Variants in FHIT observed in about 807,000 individuals in gnomAD.
FHIT encodes the protein bis(5'-adenosyl)-triphosphatase.
A neutral mutation model predicts 17.9 loss-of-function variants in FHIT; 19 were observed. That is an observed-to-expected ratio of 1.06 (90% CI 0.74 to 1.56). The LOEUF is 1.56. FHIT is among the 40% of genes most tolerant of loss of function. FHIT has a pLI of 0.00. For synonymous variants in FHIT, 81 were observed against 69.7 expected, an observed-to-expected ratio of 1.16 and a Z score of -0.81; for missense variants, 248 against 189.2, an observed-to-expected ratio of 1.31 and a Z score of -1.82.
chr3:61,176,731 G>T (rs7631246), intron 2 of FHIT, among the ~76,000 whole-genome samples: 69,716 of 152,028 alleles, frequency 0.46, 16,900 homozygotes, highest in East Asian at 0.87. Context: ...AGACAGAGAA[G>T]AACTGACATG....
chr3:60,026,156 A>C (rs1217146994), intron 5 of FHIT, among the ~76,000 whole-genome samples: 4 of 151,334 alleles, frequency 2.6e-5, no homozygotes, highest in Non-Finnish European at 5.9e-5. Context: ...CAAACAAAAA[A>C]CTCCTGTCTA....
chr3:59,858,687 T>G (rs1702281220), intron 8 of FHIT, among the ~76,000 whole-genome samples: 1 of 151,682 alleles, frequency 6.6e-6, no homozygotes, highest in South Asian at 2.1e-4. Flanking sequence ...GTGTTTCTAG[T>G]GTGTGAGGAA....
intron 4 of FHIT, among the ~76,000 whole-genome samples, chr3:60,560,859 T>A (rs6446133): frequency 0.17 from 15,020 of 90,534 alleles, 956 homozygotes; most frequent in East Asian, 0.29. Flanking sequence ...AGAGAGAGAG[T>A]GTGTGTGTGT....
intron 4 of FHIT, among the ~76,000 whole-genome samples, chr3:60,767,011 A>T (rs1193002688): frequency 1.3e-5 from 2 of 152,212 alleles, no homozygotes; most frequent in African/African-American, 4.8e-5. Flanking sequence ...AAATGATTAT[A>T]TAAACTTCAG....
At chr3:60,541,660 C>A (rs982002682) in intron 4 of FHIT, among the ~76,000 whole-genome samples, 1 of 152,176 alleles carries the variant, frequency 6.6e-6, no homozygotes, top group Non-Finnish European at 1.5e-5. Context: ...TTTCTTTCAA[C>A]TGAGTTGCCA....
At chr3:60,622,378 T>TA (rs1553679089) in intron 4 of FHIT, among the ~76,000 whole-genome samples, 1 of 152,102 alleles carries the variant, frequency 6.6e-6, no homozygotes, top group Non-Finnish European at 1.5e-5. Flanking sequence ...TTTTTTTTTT[T>TA]AACACATTCT....
At chr3:61,082,894 T>A (rs2035184956) in intron 2 of FHIT, among the ~76,000 whole-genome samples, 1 of 152,190 alleles carries the variant, frequency 6.6e-6, no homozygotes, top group African/African-American at 2.4e-5. Context: ...CAAGTACTAA[T>A]CAGGCCCATC....
At chr3:60,890,798 T>C (rs1705476696) in intron 3 of FHIT, among the ~76,000 whole-genome samples, 1 of 152,158 alleles carries the variant, frequency 6.6e-6, no homozygotes, top group Non-Finnish European at 1.5e-5. Flanking sequence ...CATGACTACA[T>C]AACATGGAGT....
At chr3:59,968,824 T>A (rs1708048900) in intron 7 of FHIT, among the ~76,000 whole-genome samples, 1 of 152,176 alleles carries the variant, frequency 6.6e-6, no homozygotes, top group African/African-American at 2.4e-5. Flanking sequence ...TGAGAGATGC[T>A]AGAGTTAAAC....
chr3:60,195,723 C>G (rs568887885), intron 5 of FHIT, among the ~76,000 whole-genome samples: 1 of 150,902 alleles, frequency 6.6e-6, no homozygotes, highest in East Asian at 1.9e-4. Context: ...ATGTCTTTTG[C>G]AGCAACTTTC....
chr3:60,007,055 A>G lies in FHIT; in HGVS notation c.279+4316T>C, dbSNP rs541736107. Reference sequence around the variant, plus strand: ...ATTAAATTTCTAAGTAGAAGATTCAAGTACCATAAACATAGAAGAGTGTAA... The same window carrying G: ...ATTAAATTTCTAAGTAGAAGATTCAGGTACCATAAACATAGAAGAGTGTAA... On this transcript the variant is annotated intron_variant, in intron 7 of 9. Coordinates refer to ENST00000492590, the MANE Select transcript of FHIT (RefSeq NM_002012.4). 4.6e-5 allele frequency among the ~76,000 whole-genome samples: 7 copies of G among 152,352 alleles called. No individual in the cohort carries two copies. The East Asian group carries it at 1.3e-3, about 29-fold the overall frequency.
At chr3:60,770,591 T>A (rs1553722807) in intron 4 of FHIT, among the ~76,000 whole-genome samples, 1 of 152,186 alleles carries the variant, frequency 6.6e-6, no homozygotes, top group Non-Finnish European at 1.5e-5. Flanking sequence ...GATTTGGGGA[T>A]GTTAGGATAA....
chr3:60,504,158 G>A (rs1373019715), intron 5 of FHIT, among the ~76,000 whole-genome samples: 6 of 152,054 alleles, frequency 3.9e-5, no homozygotes, highest in East Asian at 1.9e-4. Flanking sequence ...TTTTTTGGCC[G>A]GGCAGCGTGC....
At chr3:59,955,050 G>A (rs748392124) in intron 7 of FHIT, among the ~76,000 whole-genome samples, 1 of 152,322 alleles carries the variant, frequency 6.6e-6, no homozygotes, top group East Asian at 1.9e-4. Flanking sequence ...ACTTACAACT[G>A]TGTGGCTAGG....
intron 2 of FHIT, among the ~76,000 whole-genome samples, chr3:61,159,151 G>T (rs1357721978): frequency 6.6e-6 from 1 of 151,988 alleles, no homozygotes; most frequent in East Asian, 1.9e-4. Context: ...AAATAATTTT[G>T]GTCACCTCCC....
intron 5 of FHIT, among the ~76,000 whole-genome samples, chr3:60,526,560 T>C (rs1192086117): frequency 6.6e-6 from 1 of 152,106 alleles, no homozygotes; most frequent in African/African-American, 2.4e-5. Context: ...TTCTCATCTT[T>C]TTTCCCAGGA....
chr3:60,050,966 T>C (rs1486119479), intron 5 of FHIT, among the ~76,000 whole-genome samples: 1 of 152,198 alleles, frequency 6.6e-6, no homozygotes, highest in Non-Finnish European at 1.5e-5. Context: ...TTTCAGGTCC[T>C]GGGCTACATG....
chr3:60,468,509 T>A (rs1026975632), intron 5 of FHIT, among the ~76,000 whole-genome samples: 1 of 152,142 alleles, frequency 6.6e-6, no homozygotes. Context: ...GCAAATAACA[T>A]CTTGTAACCC....
At chr3:59,998,552 T>C (rs556071608) in intron 7 of FHIT, among the ~76,000 whole-genome samples, 70 of 152,076 alleles carry the variant, frequency 4.6e-4, no homozygotes, top group African/African-American at 1.7e-3. Context: ...TGGTGAAAAA[T>C]GAATGCTTCG....
Sources: gnomAD v4.1 joint callset for allele counts (sites outside exome capture counted in the v4.1 genomes callset) on GRCh38, gnomAD v4.1.1 for gene constraint, MANE v1.5 for transcripts, NCBI Gene and HGNC (gene_info 2026-07-23, HGNC 2026-07-21) for gene names.